Variants in VWA8 observed in about 807,000 individuals in gnomAD.
VWA8 encodes the protein von Willebrand factor A domain-containing protein 8.
VWA8 carries 221 observed loss-of-function variants against 241.5 expected under a neutral mutation model. The ratio of observed to expected loss-of-function variants is 0.91; its 90% CI spans 0.82 to 1.02. VWA8 has a LOEUF of 1.02. Among genes scored for constraint, VWA8 ranks in the 50% least tolerant of loss-of-function variants. The probability of loss-of-function intolerance (pLI) is 0.00; values close to 1 mark genes in which losing one functional copy is unlikely to be tolerated. For synonymous variants in VWA8, 852 were observed against 827.1 expected (o/e 1.03, Z -0.52); for missense variants, 2,322 against 2,328.7 (o/e 1.00, Z 0.06).
At position 41,841,784 on chromosome 13, in the gene VWA8, CAAAAAAAAAAAAAAAAAAAAAA is replaced by C. The variant is rs1166227706; in HGVS notation, c.1426-8275_1426-8254del. Among the ~76,000 whole-genome samples, 5 of 33,406 alleles carry C rather than the reference CAAAAAAAAAAAAAAAAAAAAAA, an allele frequency of 1.5e-4. No individual in the cohort carries two copies. In the South Asian group the frequency reaches 3.8e-3, roughly 25 times the overall value. The allele number at this position is 33,406 out of a possible 152,430, so 21.9% of individuals were successfully genotyped here. A position where few individuals can be genotyped will look rare whatever the true frequency, so the allele number is the denominator to read the frequency against. ...TGGGCGACAGAGCGAGACTCTGTCT[CAAAAAAAAAAAAAAAAAAAAAA>C]AAAAAAAAAAAAAAATATATATATA... On this transcript the variant is annotated intron_variant, in intron 12 of 44. Coordinates refer to ENST00000379310, the MANE Select transcript of VWA8 (RefSeq NM_015058.2).
At chr13:41,899,143 C>T (rs929811756) in intron 4 of VWA8, among the ~76,000 whole-genome samples, 1 of 152,226 alleles carries the variant, frequency 6.6e-6, no homozygotes, top group African/African-American at 2.4e-5. Context: ...TGTCACCTCT[C>T]AGTATCACTC....
chr13:41,813,991 T>C (rs765244246), intron 16 of VWA8, among the ~76,000 whole-genome samples: 3 of 152,166 alleles, frequency 2.0e-5, no homozygotes, highest in Non-Finnish European at 2.9e-5. Flanking sequence ...TGATTAGTAA[T>C]ACTTCAGCTT....
intron 37 of VWA8, among the ~76,000 whole-genome samples, chr13:41,633,384 TA>T (rs1383481580): frequency 6.6e-6 from 1 of 152,180 alleles, no homozygotes; most frequent in African/African-American, 2.4e-5. Context: ...ATCTAGTGAC[TA>T]AATGAATGAC....
intron 28 of VWA8, among the ~76,000 whole-genome samples, chr13:41,700,104 G>A (rs9562336): frequency 0.32 from 48,125 of 151,910 alleles, 7,817 homozygotes; most frequent in African/African-American, 0.42. Flanking sequence ...TTTGCATAAT[G>A]AATGGTATCA....
At chr13:41,913,160 C>G (rs552592170) in intron 2 of VWA8, among the ~76,000 whole-genome samples, 97 of 151,848 alleles carry the variant, frequency 6.4e-4, no homozygotes, top group Non-Finnish European at 7.1e-4. Context: ...TGTATAATAC[C>G]ATTTTAATAA....
At chr13:41,744,830 T>C (rs986628845) in intron 21 of VWA8, among the ~76,000 whole-genome samples, 10 of 151,562 alleles carry the variant, frequency 6.6e-5, no homozygotes, top group African/African-American at 2.4e-4. Context: ...TTTATTTATT[T>C]TTATTTATTT....
At chr13:41,830,426 T>C (rs932269696) in intron 14 of VWA8, 103 bp downstream of exon 14, 2 of 982,030 alleles carry the variant, frequency 2.0e-6, no homozygotes, top group East Asian at 2.8e-5. Context: ...TATTAAATTG[T>C]TCAAAGTTAT....
At chr13:41,795,862 G>A (rs928377753) in intron 17 of VWA8, among the ~76,000 whole-genome samples, 2 of 152,086 alleles carry the variant, frequency 1.3e-5, no homozygotes, top group Admixed American at 1.3e-4. Context: ...ATACCTAGGT[G>A]ATGGGTTGAT....
chr13:41,897,880 A>G (rs1174186172), intron 4 of VWA8, among the ~76,000 whole-genome samples: 1 of 152,176 alleles, frequency 6.6e-6, no homozygotes, highest in African/African-American at 2.4e-5. Flanking sequence ...GCCTGCTTTT[A>G]TTCTGCTAGC....
chr13:41,849,971 A>T (rs1480003977), intron 12 of VWA8, among the ~76,000 whole-genome samples: 1 of 152,150 alleles, frequency 6.6e-6, no homozygotes, highest in East Asian at 1.9e-4. Context: ...TACCAGCAGG[A>T]CTATGACTTC....
At chr13:41,920,235 T>C (rs1876453333) in intron 2 of VWA8, among the ~76,000 whole-genome samples, 1 of 152,134 alleles carries the variant, frequency 6.6e-6, no homozygotes, top group Admixed American at 6.5e-5. Context: ...AGGTCCCAAA[T>C]TGCAGCTGTG....
chr13:41,617,382 G>C (rs984167011), intron 37 of VWA8, among the ~76,000 whole-genome samples: 6 of 152,068 alleles, frequency 3.9e-5, no homozygotes, highest in Non-Finnish European at 8.8e-5. Context: ...GCCTCCCAAA[G>C]TGCTGGGATT....
In VWA8 at chr13:41,881,235, C is replaced by G. The variant is rs190507423; in HGVS notation, c.1080+2152G>C. On this transcript the variant is annotated intron_variant, in intron 9 of 44. Transcript: ENST00000379310. ...ATCATTTGTTGAATATTTCCTTACT[C>G]TCTGGCACAAAAAGATGGTCCAGGC... Among the ~76,000 whole-genome samples the G allele has an allele frequency of 7.2e-5, 11 of 152,006 alleles. No homozygotes were observed. In the East Asian group the frequency reaches 2.1e-3, roughly 29 times the overall value.
chr13:41,707,542 TA>T (rs562359225), intron 26 of VWA8, among the ~76,000 whole-genome samples: 26 of 152,062 alleles, frequency 1.7e-4, no homozygotes, highest in Non-Finnish European at 3.4e-4. Flanking sequence ...AGAAGAAAAA[TA>T]ACAACTCCAA....
At chr13:41,934,424 T>A (rs1458016339) in intron 2 of VWA8, among the ~76,000 whole-genome samples, 1 of 151,894 alleles carries the variant, frequency 6.6e-6, no homozygotes, top group Non-Finnish European at 1.5e-5. Flanking sequence ...CTTAAAAAGT[T>A]AAACATCTAC....
chr13:41,909,994 G>A (rs1875916188), intron 3 of VWA8, among the ~76,000 whole-genome samples: 1 of 152,138 alleles, frequency 6.6e-6, no homozygotes, highest in African/African-American at 2.4e-5. Flanking sequence ...ATTCTTAGGG[G>A]CAATAGTACT....
chr13:41,591,269 T>C (rs2044453076), intron 40 of VWA8, among the ~76,000 whole-genome samples: 1 of 152,224 alleles, frequency 6.6e-6, no homozygotes, highest in African/African-American at 2.4e-5. Context: ...CCCACAAGTC[T>C]TTCTGGTTAT....
In VWA8 at chr13:41,713,077, G is replaced by A. The variant is rs115589761; in HGVS notation, c.3116+6514C>T. 6.5e-3 allele frequency among the ~76,000 whole-genome samples: 996 copies of A among 152,254 alleles called. 9 individuals carry two copies. The highest frequency in any genetic ancestry group is 0.023 in the African/African-American group (939 of 41,548). ...TAGTTAACTTGATTTTTCACTTGCC[G>A]TTGGCAAAAGTGCCAATGTTCTGCC... On this transcript the variant is annotated intron_variant, in intron 26 of 44. Coordinates refer to ENST00000379310, the MANE Select transcript of VWA8 (RefSeq NM_015058.2).
intron 2 of VWA8, among the ~76,000 whole-genome samples, chr13:41,937,084 C>G (rs1280274956): frequency 6.6e-6 from 1 of 152,116 alleles, no homozygotes; most frequent in Admixed American, 6.5e-5. Context: ...AGTACAGTAA[C>G]ATGCTGTATA....
Sources: gnomAD v4.1 joint callset for allele counts (sites outside exome capture counted in the v4.1 genomes callset) on GRCh38, gnomAD v4.1.1 for gene constraint, MANE v1.5 for transcripts, NCBI Gene and HGNC (gene_info 2026-07-23, HGNC 2026-07-21) for gene names.